EYA4: variants seen among roughly 807,000 people sequenced by gnomAD.
EYA4 encodes protein phosphatase EYA4.
In EYA4, 31 loss-of-function variants were observed where a neutral mutation model predicts 87.9. The observed-to-expected ratio is 0.35, with a 90% CI of 0.27 to 0.48. The LOEUF (loss-of-function observed/expected upper bound fraction) is 0.48. Among genes scored for constraint, EYA4 ranks in the 20% least tolerant of loss-of-function variants. EYA4 has a pLI of 0.99. For synonymous variants in EYA4, 263 were observed against 270.6 expected, an observed-to-expected ratio of 0.97 and a Z score of 0.28; for missense variants, 678 against 761.4, an observed-to-expected ratio of 0.89 and a Z score of 1.29.
rs966539346 is a variant in EYA4 at position 133,515,335 on chromosome 6, G to A, written c.1516G>A (p.Ala506Thr). 1.2e-6 allele frequency: 2 copies of A among 1,610,666 alleles called. No homozygotes were observed. Among genetic ancestry groups the A allele is most frequent in the Non-Finnish European group, 1.7e-6 (2 of 1,176,882 alleles). The change falls in exon 17 of 20, where the codon GCC becomes ACC. Residue 506 changes from alanine to threonine, a missense_variant. Transcript: ENST00000355286. Reference protein sequence around the residue: ...KNNVGGLLGPAKRDAWLQLRA... With the variant: ...KNNVGGLLGPTKRDAWLQLRA... ...TGGTGTTGCAGGACTCCTTGGCCCT[G>A]CCAAGAGGGATGCCTGGCTACAGTT... is the stretch of plus-strand genomic sequence containing the variant.
intron 1 of EYA4, among the ~76,000 whole-genome samples, chr6:133,255,277 A>G (rs1330145589): frequency 6.6e-6 from 1 of 152,190 alleles, no homozygotes. Flanking sequence ...AAATACAAAT[A>G]AGTCATACTT....
At chr6:133,359,690 T>C (rs1232351380) in intron 2 of EYA4, among the ~76,000 whole-genome samples, 1 of 152,138 alleles carries the variant, frequency 6.6e-6, no homozygotes, top group Non-Finnish European at 1.5e-5. Flanking sequence ...ACTTTGAAAA[T>C]ATTTGCCAAA....
chr6:133,364,956 G>A (rs1029560550), intron 2 of EYA4, among the ~76,000 whole-genome samples: 1 of 152,142 alleles, frequency 6.6e-6, no homozygotes, highest in Non-Finnish European at 1.5e-5. Context: ...TTATGATCAG[G>A]ATGAAAATAG....
At position 133,499,764 on chromosome 6, in the gene EYA4, G is replaced by A. The variant is rs575069488; in HGVS notation, c.1192-6342G>A. Reference sequence around the variant, plus strand: ...AATGATCTTTATGGAGGTGAAGGGTGGAAAAGGCACTCTTCCTCATAAGCA... The same window carrying A: ...AATGATCTTTATGGAGGTGAAGGGTAGAAAAGGCACTCTTCCTCATAAGCA... On this transcript the variant is annotated intron_variant, in intron 13 of 19. Transcript: ENST00000355286. Among the ~76,000 whole-genome samples the A allele has an allele frequency of 1.2e-4, 18 of 152,084 alleles. No individual in the cohort carries two copies. In the South Asian group the frequency reaches 3.8e-3, roughly 32 times the overall value.
intron 3 of EYA4, among the ~76,000 whole-genome samples, chr6:133,406,820 CTG>C (rs1788750684): frequency 1.3e-5 from 2 of 152,094 alleles, no homozygotes; most frequent in South Asian, 4.1e-4. Flanking sequence ...TGTATGAAAT[CTG>C]TCTCTTATTA....
At chr6:133,296,697 G>GT (rs1264457738) in intron 2 of EYA4, among the ~76,000 whole-genome samples, 5 of 151,804 alleles carry the variant, frequency 3.3e-5, no homozygotes, top group African/African-American at 7.3e-5. Context: ...TGTGGGGTAG[G>GT]TTTTTTTTCT....
At chr6:133,437,738 G>A (rs1194830743) in intron 3 of EYA4, among the ~76,000 whole-genome samples, 1 of 152,132 alleles carries the variant, frequency 6.6e-6, no homozygotes, top group African/African-American at 2.4e-5. Flanking sequence ...AGGTAGCAGG[G>A]AGGAGAATGA....
chr6:133,276,700 T>C lies in EYA4; in HGVS notation c.33+1887T>C, dbSNP rs539906232. Among the ~76,000 whole-genome samples the C allele has an allele frequency of 1.1e-4, 17 of 152,238 alleles. No individual in the cohort carries two copies. In the East Asian group the frequency reaches 3.3e-3, roughly 29 times the overall value. On this transcript the variant is annotated intron_variant, in intron 2 of 19. Transcript: ENST00000355286. ...ATTTGCTGAATTTAAATTTCAAACA[T>C]GTAGACCAATGTATTCATCTCATAA...
At chr6:133,481,210 T>C (rs377239074) in intron 11 of EYA4, among the ~76,000 whole-genome samples, 4 of 152,254 alleles carry the variant, frequency 2.6e-5, no homozygotes, top group African/African-American at 2.4e-5. Flanking sequence ...AGTGAAGGTA[T>C]AGACAGGAAG....
chr6:133,366,859 A>G (rs1010089376), intron 2 of EYA4, among the ~76,000 whole-genome samples: 1 of 152,172 alleles, frequency 6.6e-6, no homozygotes, highest in Non-Finnish European at 1.5e-5. Context: ...GAAATTGTAC[A>G]TTGTTTTTCT....
chr6:133,245,751 G>A (rs76118441), intron 1 of EYA4, among the ~76,000 whole-genome samples: 5,581 of 152,224 alleles, frequency 0.037, 370 homozygotes, highest in African/African-American at 0.13. Context: ...GCGTCATTTA[G>A]CTTGAACTTA....
rs1035314735 is a variant in EYA4, at chr6:133,468,632, G to A, written c.871G>A (p.Gly291Arg). Residue 291 changes from glycine to arginine, a missense_variant, in exon 11 of 20, where the codon GGA (glycine) becomes AGA (arginine). By Grantham distance (125) the Gly-to-Arg change is moderately radical. Transcript: ENST00000355286. ...YAQYYSASTY[G>R]AYMTSNNTAD... The stretch of plus-strand genomic sequence containing the variant: ...ACAGTATTATTCAGCATCAACGTAT[G>A]GAGCGTATATGACATCGAATAACAC... 1 of 1,612,540 alleles carries A rather than the reference G, an allele frequency of 6.2e-7. No homozygotes were observed. Among genetic ancestry groups the A allele is most frequent in the Non-Finnish European group, 8.5e-7 (1 of 1,178,920 alleles).
chr6:133,273,310 A>C (rs775232262), intron 1 of EYA4, among the ~76,000 whole-genome samples: 32 of 151,572 alleles, frequency 2.1e-4, no homozygotes, highest in Non-Finnish European at 4.3e-4. Flanking sequence ...TTTTTTTCAC[A>C]CTTTTCTGCC....
intron 11 of EYA4, among the ~76,000 whole-genome samples, chr6:133,477,829 CA>C (rs1795871791): frequency 6.7e-6 from 1 of 149,054 alleles, no homozygotes; most frequent in Non-Finnish European, 1.5e-5. Flanking sequence ...CACACACACA[CA>C]CACGCATATA....
At chr6:133,329,456 A>G (rs999296746) in intron 2 of EYA4, among the ~76,000 whole-genome samples, 4 of 152,062 alleles carry the variant, frequency 2.6e-5, no homozygotes, top group African/African-American at 9.7e-5. Context: ...TTTTTGTTGC[A>G]TAGTTTTGTT....
rs1031580406 is a variant in EYA4, at chr6:133,530,853, A to G, written c.*2048A>G. ...TACCTTTAATAATATAAAAATAATG[A>G]TAGTAAATCTTATACTTCTGTTGGC... On this transcript the variant is annotated 3_prime_UTR_variant, in exon 20 of 20. Transcript: ENST00000355286. The G allele has an allele frequency of 1.4e-4, 138 of 1,007,358 alleles. No individual in the cohort carries two copies. Among genetic ancestry groups the G allele is most frequent in the East Asian group, 2.7e-4 (3 of 11,048 alleles). 62.4% of individuals were successfully genotyped at this position (1,007,358 alleles called of 1,614,324 possible).
chr6:133,326,006 T>C (rs571593592), intron 2 of EYA4, among the ~76,000 whole-genome samples: 2 of 152,324 alleles, frequency 1.3e-5, no homozygotes, highest in South Asian at 4.1e-4. Flanking sequence ...GTCTGCCTCT[T>C]TGCTTCTTAT....
chr6:133,348,019 C>T (rs777752944), intron 2 of EYA4, among the ~76,000 whole-genome samples: 4 of 152,080 alleles, frequency 2.6e-5, no homozygotes, highest in East Asian at 1.9e-4. Flanking sequence ...GTTAGGTGTA[C>T]GCTTATTGAA....
At chr6:133,301,640 T>C (rs1430468238) in intron 2 of EYA4, among the ~76,000 whole-genome samples, 2 of 152,230 alleles carry the variant, frequency 1.3e-5, no homozygotes, top group African/African-American at 4.8e-5. Context: ...TTTATTTCTA[T>C]TTTATAGGGA....
Sources: allele counts gnomAD v4.1 joint callset (sites outside exome capture counted in the v4.1 genomes callset), GRCh38; gene constraint gnomAD v4.1.1; transcripts MANE v1.5; gene names NCBI Gene and HGNC (gene_info 2026-07-23, HGNC 2026-07-21).